ZNF254: variants seen among roughly 807,000 people sequenced by gnomAD.
The protein encoded by ZNF254 is CTD-2017D11.1.
In ZNF254, 10 loss-of-function variants were observed where a neutral mutation model predicts 12.4. The ratio of observed to expected loss-of-function variants is 0.80; its 90% CI spans 0.50 to 1.36. The LOEUF (loss-of-function observed/expected upper bound fraction) is 1.36, where lower values mean the gene tolerates loss of function less well. Among genes scored for constraint, ZNF254 ranks in the 40% most tolerant of loss-of-function variants. The probability of loss-of-function intolerance (pLI) is 0.00; values close to 1 mark genes in which losing one functional copy is unlikely to be tolerated. For synonymous variants in ZNF254, 305 were observed against 253.4 expected (o/e 1.20, Z -1.93); for missense variants, 996 against 763.9 (o/e 1.30, Z -3.58).
chr19:24,125,146 T>C (rs1356530341), intron 3 of ZNF254, among the ~76,000 whole-genome samples: 1 of 152,090 alleles, frequency 6.6e-6, no homozygotes, highest in Non-Finnish European at 1.5e-5. Context: ...CTTTTGAAAT[T>C]GTGCTTATGT....
At chr19:24,097,591 G>A (rs1483504968) in intron 1 of ZNF254, among the ~76,000 whole-genome samples, 1 of 151,930 alleles carries the variant, frequency 6.6e-6, no homozygotes, top group Non-Finnish European at 1.5e-5. Context: ...AGACCATCCT[G>A]ACCAACATGG....
chr19:24,125,564 C>G (rs986123555), intron 3 of ZNF254, among the ~76,000 whole-genome samples: 1 of 151,918 alleles, frequency 6.6e-6, no homozygotes, highest in Non-Finnish European at 1.5e-5. Context: ...ATGGCATATT[C>G]TGAAAACAAT....
intron 1 of ZNF254, among the ~76,000 whole-genome samples, chr19:24,043,437 T>G (rs1055305063): frequency 6.6e-6 from 1 of 152,062 alleles, no homozygotes. Context: ...AATTTTTGTA[T>G]TTTTACTAGA....
chr19:24,119,649 C>T (rs1393341767), intron 3 of ZNF254, among the ~76,000 whole-genome samples: 2 of 152,022 alleles, frequency 1.3e-5, no homozygotes, highest in Admixed American at 1.3e-4. Context: ...GCTTCATGTC[C>T]TCCCAGTTTT....
At chr19:24,073,132 C>G (rs1011791029) in intron 2 of ZNF254, among the ~76,000 whole-genome samples, 2 of 152,128 alleles carry the variant, frequency 1.3e-5, no homozygotes, top group African/African-American at 2.4e-5. Flanking sequence ...ATCACAAGAC[C>G]AAGCACACAG....
chr19:24,081,055 C>T (rs1434873231), intron 2 of ZNF254, among the ~76,000 whole-genome samples: 13 of 147,662 alleles, frequency 8.8e-5, no homozygotes, highest in East Asian at 2.0e-4. Flanking sequence ...CCAGCCTGGG[C>T]GACAGAGTGA....
In ZNF254 at chr19:24,129,208, A is replaced by G. The variant is rs1365086596; in HGVS notation, c.*1228A>G. The stretch of plus-strand genomic sequence containing the variant: ...TTATTATGAATGAAAAGCATTCTTA[A>G]TTTTAGTTAAAATTAAGTTAGTCAT... On this transcript the variant is annotated 3_prime_UTR_variant, in exon 4 of 4. Coordinates refer to ENST00000357002, the MANE Select transcript of ZNF254 (RefSeq NM_203282.4). 3 of 152,026 alleles carry G rather than the reference A, an allele frequency of 2.0e-5. No individual in the cohort carries two copies. Among genetic ancestry groups the G allele is most frequent in the Non-Finnish European group, 4.4e-5 (3 of 67,932 alleles). The allele number at this position is 152,026 out of a possible 1,614,324, so 9.4% of individuals were successfully genotyped here.
In ZNF254 at chr19:24,075,366, G is replaced by A. The variant is rs1042789754; in HGVS notation, c.-94+29087G>A. Reference sequence around the variant, plus strand: ...AATATTTCAATGTAGGTTCTTTTCTGTTTTCCCTAAGTGTTGGCCAGTCTG... The same window carrying A: ...AATATTTCAATGTAGGTTCTTTTCTATTTTCCCTAAGTGTTGGCCAGTCTG... On this transcript the variant is annotated intron_variant, in intron 2 of 4. Transcript: ENST00000613065. Among the ~76,000 whole-genome samples, 143 of 152,202 alleles carry A rather than the reference G, an allele frequency of 9.4e-4. 1 individual carries two copies. Among genetic ancestry groups the A allele is most frequent in the African/African-American group, 3.3e-3 (139 of 41,524 alleles).
intron 1 of ZNF254, among the ~76,000 whole-genome samples, chr19:24,040,659 T>C (rs1304140766): frequency 6.6e-6 from 1 of 152,194 alleles, no homozygotes; most frequent in African/African-American, 2.4e-5. Flanking sequence ...CAATGCGAGT[T>C]TCCCAGCACA....
intron 3 of ZNF254, among the ~76,000 whole-genome samples, chr19:24,124,525 T>G (rs1046246042): frequency 6.6e-6 from 1 of 152,164 alleles, no homozygotes; most frequent in Non-Finnish European, 1.5e-5. Context: ...CTTTTATATG[T>G]AGGGCATATG....
chr19:24,052,574 C>T (rs892099316), intron 2 of ZNF254, among the ~76,000 whole-genome samples: 1 of 152,162 alleles, frequency 6.6e-6, no homozygotes, highest in African/African-American at 2.4e-5. Flanking sequence ...TCCTTGCCCA[C>T]AGATCATTGT....
At chr19:24,120,231 C>T (rs1298680056) in intron 3 of ZNF254, among the ~76,000 whole-genome samples, 6 of 152,082 alleles carry the variant, frequency 3.9e-5, no homozygotes, top group African/African-American at 1.4e-4. Flanking sequence ...AAAACATCTG[C>T]CCCCATGATT....
chr19:24,083,225 A>AAAT (rs1017685576), upstream of ZNF254, among the ~76,000 whole-genome samples: 1 of 152,138 alleles, frequency 6.6e-6, no homozygotes, highest in Non-Finnish European at 1.5e-5. Context: ...AGCTGCAAAA[A>AAAT]AATAATACTA....
chr19:24,120,425 A>C (rs887479161), intron 3 of ZNF254, among the ~76,000 whole-genome samples: 3 of 152,134 alleles, frequency 2.0e-5, no homozygotes, highest in Non-Finnish European at 4.4e-5. Context: ...TGTATTTTTC[A>C]GTTTATTAAT....
At chr19:24,088,571 A>G (rs1049713584) in intron 1 of ZNF254, among the ~76,000 whole-genome samples, 7 of 152,148 alleles carry the variant, frequency 4.6e-5, no homozygotes, top group African/African-American at 1.4e-4. Context: ...CCAAATGCCA[A>G]TGTCCCCTCC....
At chr19:24,080,867 C>T (rs924697998) in intron 2 of ZNF254, among the ~76,000 whole-genome samples, 20 of 150,866 alleles carry the variant, frequency 1.3e-4, no homozygotes, top group African/African-American at 4.9e-4. Flanking sequence ...GGTGGGTGGT[C>T]GGGAGTTCGA....
In ZNF254 at chr19:24,129,646, A is replaced by C. The variant is rs970578255; in HGVS notation, c.*1666A>C. 6.6e-6 allele frequency: 1 copy of C among 152,000 alleles called. No homozygotes were observed. Among genetic ancestry groups the C allele is most frequent in the African/African-American group, 2.4e-5 (1 of 41,442 alleles). The allele number at this position is 152,000 out of a possible 1,614,324, so 9.4% of individuals were successfully genotyped here. Reference sequence around the variant, plus strand: ...TTGATGCAGGCATACTCTATATAATAATCACATTAGAGGAAATGAGATATC... The same window carrying C: ...TTGATGCAGGCATACTCTATATAATCATCACATTAGAGGAAATGAGATATC... On this transcript the variant is annotated 3_prime_UTR_variant, in exon 4 of 4. Coordinates refer to ENST00000357002, the MANE Select transcript of ZNF254 (RefSeq NM_203282.4).
intron 3 of ZNF254, among the ~76,000 whole-genome samples, chr19:24,107,879 T>G (rs1476739241): frequency 2.0e-5 from 3 of 152,206 alleles, no homozygotes; most frequent in African/African-American, 7.2e-5. Flanking sequence ...TAGCTTGGCC[T>G]TAAGGCTGCT....
At chr19:24,062,876 C>T (rs1291217873) in intron 2 of ZNF254, among the ~76,000 whole-genome samples, 1 of 152,200 alleles carries the variant, frequency 6.6e-6, no homozygotes, top group African/African-American at 2.4e-5. Context: ...TCTTGGCTCA[C>T]TGCAAACTCT....
Sources: gnomAD v4.1 joint callset for allele counts (sites outside exome capture counted in the v4.1 genomes callset) on GRCh38, gnomAD v4.1.1 for gene constraint, MANE v1.5 for transcripts, NCBI Gene and HGNC (gene_info 2026-07-23, HGNC 2026-07-21) for gene names.